MARK3: variants seen among roughly 807,000 people sequenced by gnomAD.
The protein encoded by MARK3 is microtubule affinity regulating kinase 3.
MARK3 carries 46 observed loss-of-function variants against 90.1 expected under a neutral mutation model. That is an observed-to-expected ratio of 0.51 (90% CI 0.40 to 0.65). MARK3 has a LOEUF of 0.65. Among genes scored for constraint, MARK3 ranks in the 30% least tolerant of loss-of-function variants. The probability of loss-of-function intolerance (pLI) is 0.00; values close to 1 mark genes in which losing one functional copy is unlikely to be tolerated. For synonymous variants in MARK3, 321 were observed against 332.6 expected (o/e 0.97, Z 0.38); for missense variants, 818 against 947.2 (o/e 0.86, Z 1.79).
At chr14:103,390,264 G>A (rs2090150174) in intron 1 of MARK3, among the ~76,000 whole-genome samples, 1 of 152,052 alleles carries the variant, frequency 6.6e-6, no homozygotes, top group Admixed American at 6.5e-5. Context: ...AAAGTTCACT[G>A]TTGCTGCATC....
chr14:103,411,289 C>T (rs1487294689), intron 2 of MARK3, among the ~76,000 whole-genome samples: 1 of 152,138 alleles, frequency 6.6e-6, no homozygotes, highest in Non-Finnish European at 1.5e-5. Context: ...AACAAACAAA[C>T]AAACAAAAAA....
At chr14:103,389,209 G>A (rs571476884) in intron 1 of MARK3, among the ~76,000 whole-genome samples, 23 of 150,972 alleles carry the variant, frequency 1.5e-4, no homozygotes, top group Non-Finnish European at 3.0e-4. Flanking sequence ...CTAAAAATAC[G>A]AAAAATTAGC....
intron 12 of MARK3, among the ~76,000 whole-genome samples, chr14:103,473,116 T>G (rs138544796): frequency 2.4e-4 from 36 of 152,282 alleles, no homozygotes; most frequent in African/African-American, 8.2e-4. Flanking sequence ...TGCCCATTCA[T>G]ATAACATTCT....
chr14:103,441,270 A>G (rs1387582157), intron 3 of MARK3, among the ~76,000 whole-genome samples: 4 of 151,704 alleles, frequency 2.6e-5, no homozygotes, highest in South Asian at 2.1e-4. Context: ...TGCACTTTTT[A>G]TGTCTTTTTT....
At chr14:103,405,293 G>A (rs1276177357) in intron 2 of MARK3, 26 bp downstream of exon 2, 1 of 1,436,936 alleles carries the variant, frequency 7.0e-7, no homozygotes, top group African/African-American at 1.5e-5. Flanking sequence ...GCTTATTTCT[G>A]TTATGACAGT....
chr14:103,477,999 T>TAAAAAAA (rs57130429), intron 13 of MARK3, among the ~76,000 whole-genome samples: 23 of 141,490 alleles, frequency 1.6e-4, no homozygotes, highest in Non-Finnish European at 2.7e-4. Flanking sequence ...ACCCTGTCCT[T>TAAAAAAA]AAAAAAAAAA....
intron 1 of MARK3, among the ~76,000 whole-genome samples, chr14:103,392,412 C>G (rs1317087972): frequency 6.6e-6 from 1 of 152,176 alleles, no homozygotes; most frequent in Non-Finnish European, 1.5e-5. Flanking sequence ...GGCCCTACCC[C>G]TAGACCTTGA....
intron 5 of MARK3, among the ~76,000 whole-genome samples, chr14:103,454,931 T>C (rs1403835671): frequency 6.6e-6 from 1 of 152,244 alleles, no homozygotes; most frequent in African/African-American, 2.4e-5. Context: ...TCTTTGCTTC[T>C]TGTTTCTTTT....
intron 1 of MARK3, among the ~76,000 whole-genome samples, chr14:103,398,934 C>G (rs1218118601): frequency 1.3e-5 from 2 of 152,180 alleles, no homozygotes; most frequent in Admixed American, 6.5e-5. Flanking sequence ...TAAGGGCACA[C>G]TTCTTTTGTT....
intron 14 of MARK3, 102 bp from the exon 15 acceptor site, chr14:103,491,675 A>AT: frequency 2.2e-6 from 3 of 1,345,142 alleles, no homozygotes; most frequent in Non-Finnish European, 3.0e-6. Flanking sequence ...TTGGATCTGG[A>AT]TTTTTTATAC....
intron 1 of MARK3, among the ~76,000 whole-genome samples, chr14:103,392,994 A>G (rs1228846128): frequency 6.6e-6 from 1 of 151,814 alleles, no homozygotes; most frequent in Non-Finnish European, 1.5e-5. Context: ...ATTTTATTTT[A>G]TTTTTTGAGA....
intron 13 of MARK3, among the ~76,000 whole-genome samples, chr14:103,478,740 T>C (rs1458032780): frequency 6.6e-6 from 1 of 152,148 alleles, no homozygotes; most frequent in African/African-American, 2.4e-5. Context: ...GGTTTCTCCA[T>C]GTTGGTCAGT....
intron 3 of MARK3, among the ~76,000 whole-genome samples, chr14:103,443,472 T>G (rs1199643195): frequency 6.6e-6 from 1 of 152,220 alleles, no homozygotes; most frequent in East Asian, 1.9e-4. Flanking sequence ...ACTGGTACAT[T>G]TATCTTTGTT....
rs146010588 is a variant in MARK3, at chr14:103,394,277, C to T, written c.51+8197C>T. Among the ~76,000 whole-genome samples, 139 of 152,270 alleles carry T rather than the reference C, an allele frequency of 9.1e-4. 2 individuals carry two copies. Among genetic ancestry groups the T allele is most frequent in the African/African-American group, 3.3e-3 (138 of 41,546 alleles). ...CATGAAGGAGAAAATAAATCTCTTACCTGGGAAGCTTTAATGTCCTGTCTC... is the reference window on the plus strand; with the variant it reads ...CATGAAGGAGAAAATAAATCTCTTATCTGGGAAGCTTTAATGTCCTGTCTC... On this transcript the variant is annotated intron_variant, in intron 1 of 17. Coordinates refer to ENST00000429436, the MANE Select transcript of MARK3 (RefSeq NM_001128918.3).
At chr14:103,466,564 T>A (rs2093506957) in intron 10 of MARK3, 122 bp downstream of exon 10, 1 of 641,276 alleles carries the variant, frequency 1.6e-6, no homozygotes, top group Non-Finnish European at 2.7e-6. Flanking sequence ...ATGAACAGTT[T>A]ATCTGTTCTG....
intron 3 of MARK3, among the ~76,000 whole-genome samples, chr14:103,444,554 G>A (rs1021253762): frequency 8.5e-5 from 13 of 152,278 alleles, no homozygotes; most frequent in South Asian, 6.2e-4. Context: ...CGAGGCGGGC[G>A]GATCACGAGG....
chr14:103,402,350 C>T (rs1158774546), intron 1 of MARK3, among the ~76,000 whole-genome samples: 3 of 151,882 alleles, frequency 2.0e-5, no homozygotes, highest in African/African-American at 4.8e-5. Flanking sequence ...GTCAGGAGTT[C>T]GAGACTAGCC....
intron 2 of MARK3, among the ~76,000 whole-genome samples, chr14:103,420,274 C>T (rs7152150): frequency 0.97 from 147,229 of 152,010 alleles, 71,447 homozygotes; most frequent in East Asian, 1. Flanking sequence ...TGTCGCCCAG[C>T]CTGGAGTGCA....
chr14:103,417,608 T>C (rs1373683181), intron 2 of MARK3: 1 of 152,188 alleles, frequency 6.6e-6, no homozygotes, highest in East Asian at 1.9e-4. Context: ...GTTTTTGTCT[T>C]TCAGTTCTGG....
Sources: gnomAD v4.1 joint callset for allele counts (sites outside exome capture counted in the v4.1 genomes callset) on GRCh38, gnomAD v4.1.1 for gene constraint, MANE v1.5 for transcripts, NCBI Gene and HGNC (gene_info 2026-07-23, HGNC 2026-07-21) for gene names.